The following TSNARE1 variants were observed in gnomAD, a reference collection of about 807,000 sequenced individuals.
TSNARE1 encodes t-SNARE domain-containing protein 1.
TSNARE1 carries 49 observed loss-of-function variants against 62.0 expected under a neutral mutation model. The observed-to-expected ratio is 0.79, with a 90% CI of 0.63 to 1.00. The LOEUF (loss-of-function observed/expected upper bound fraction) is 1.00, where lower values mean the gene tolerates loss of function less well. Among genes scored for constraint, TSNARE1 ranks in the 50% least tolerant of loss-of-function variants. The pLI is 0.00. For missense variants in TSNARE1, 755 were observed against 700.1 expected, an observed-to-expected ratio of 1.08 and a Z score of -0.88; for synonymous variants, 328 against 294.4, an observed-to-expected ratio of 1.11 and a Z score of -1.17.
At chr8:142,364,028 A>C (rs1835352214) in intron 1 of TSNARE1, among the ~76,000 whole-genome samples, 1 of 152,220 alleles carries the variant, frequency 6.6e-6, no homozygotes, top group South Asian at 2.1e-4. Context: ...CAATTTTTAA[A>C]AGGAGAAAAC....
At chr8:142,256,370 TCAC>T (rs1563782828) in intron 12 of TSNARE1, among the ~76,000 whole-genome samples, 18 of 522 alleles carry the variant, frequency 0.034, no homozygotes, top group South Asian at 0.062. Flanking sequence ...ACCACCATCA[TCAC>T]CACCATCATC....
At chr8:142,228,478 G>A (rs1816940928) in intron 13 of TSNARE1, among the ~76,000 whole-genome samples, 2 of 152,190 alleles carry the variant, frequency 1.3e-5, no homozygotes, top group African/African-American at 4.8e-5. Context: ...GCTTCCTGAT[G>A]AGCTCTCCTC....
intron 9 of TSNARE1, among the ~76,000 whole-genome samples, chr8:142,308,989 A>T (rs1443350350): frequency 6.6e-6 from 1 of 152,194 alleles, no homozygotes; most frequent in East Asian, 1.9e-4. Flanking sequence ...GTAATGTGGC[A>T]TGTTTTTTAA....
intron 7 of TSNARE1, among the ~76,000 whole-genome samples, chr8:142,316,276 C>A (rs570295456): frequency 2.0e-5 from 3 of 151,840 alleles, no homozygotes; most frequent in Middle Eastern, 3.4e-3. Flanking sequence ...CAGGCCAGGG[C>A]AGCACCTGGT....
At chr8:142,332,732 A>G (rs1269927315) in intron 4 of TSNARE1, among the ~76,000 whole-genome samples, 2 of 152,110 alleles carry the variant, frequency 1.3e-5, no homozygotes, top group Non-Finnish European at 1.5e-5. Context: ...CTCAGTCAGC[A>G]TCTTGGGCAT....
chr8:142,344,839 G>C (rs1833142578), intron 3 of TSNARE1, among the ~76,000 whole-genome samples: 1 of 152,234 alleles, frequency 6.6e-6, no homozygotes, highest in Non-Finnish European at 1.5e-5. Context: ...GGGCTGGGCT[G>C]CTCCCGGGAT....
intron 9 of TSNARE1, among the ~76,000 whole-genome samples, chr8:142,313,396 G>A (rs185796629): frequency 1.8e-4 from 26 of 143,720 alleles, no homozygotes; most frequent in African/African-American, 5.9e-4. Context: ...ATGTGTCTGC[G>A]TGTCTGTGTT....
At chr8:142,329,916 G>A (rs1830767692) in intron 6 of TSNARE1, among the ~76,000 whole-genome samples, 1 of 152,266 alleles carries the variant, frequency 6.6e-6, no homozygotes, top group Non-Finnish European at 1.5e-5. Flanking sequence ...GAGGCTGTGT[G>A]GCAGGCGCCT....
chr8:142,345,988 G>T (rs113876365), intron 2 of TSNARE1, 96 bp from the exon 3 acceptor site: 2 of 1,430,736 alleles, frequency 1.4e-6, no homozygotes, highest in Non-Finnish European at 9.5e-7. Context: ...CCCAGGACCC[G>T]AGATGCTCCA....
intron 4 of TSNARE1, among the ~76,000 whole-genome samples, chr8:142,333,178 G>A (rs1444331058): frequency 2.0e-5 from 3 of 152,200 alleles, no homozygotes; most frequent in Admixed American, 6.5e-5. Flanking sequence ...CTGTCACAAC[G>A]CCCAGGATGG....
intron 12 of TSNARE1, 78 bp from the exon 13 acceptor site, chr8:142,229,657 C>A: frequency 7.1e-7 from 1 of 1,405,178 alleles, no homozygotes; most frequent in South Asian, 1.2e-5. Flanking sequence ...CTTGTGCATA[C>A]TTTGGGCTGT....
At chr8:142,285,280 G>GTGGA (rs1292909420) in intron 10 of TSNARE1, among the ~76,000 whole-genome samples, 28 of 150,750 alleles carry the variant, frequency 1.9e-4, no homozygotes, top group Non-Finnish European at 3.0e-5. Flanking sequence ...GGATGGGTAG[G>GTGGA]TGGATGGATG....
chr8:142,289,445 T>C (rs7818332), intron 10 of TSNARE1, among the ~76,000 whole-genome samples: 36,807 of 152,044 alleles, frequency 0.24, 5,081 homozygotes, highest in African/African-American at 0.37. Flanking sequence ...GGCCCCACTA[T>C]CCCTCCTGGC....
intron 11 of TSNARE1, among the ~76,000 whole-genome samples, chr8:142,281,214 C>T (rs1371362378): frequency 7.1e-6 from 1 of 141,088 alleles, no homozygotes; most frequent in Non-Finnish European, 1.5e-5. Flanking sequence ...AGCGCTTTAA[C>T]CAAAGGCCCG....
chr8:142,350,672 G>A (rs143166732), intron 2 of TSNARE1, among the ~76,000 whole-genome samples: 2 of 152,310 alleles, frequency 1.3e-5, no homozygotes, highest in East Asian at 3.9e-4. Context: ...CTGTCATTAT[G>A]CACAAACACC....
chr8:142,215,580 G>A, intron 13 of TSNARE1, among the ~76,000 whole-genome samples: 1 of 152,094 alleles, frequency 6.6e-6, no homozygotes, highest in South Asian at 2.1e-4. Flanking sequence ...CCTCGAACCT[G>A]AGAACCCCCA....
chr8:142,349,083 C>T (rs1313410151), intron 2 of TSNARE1, among the ~76,000 whole-genome samples: 1 of 152,194 alleles, frequency 6.6e-6, no homozygotes, highest in African/African-American at 2.4e-5. Flanking sequence ...CTGAGGGGAG[C>T]AAAGGAGGCA....
intron 12 of TSNARE1, chr8:142,273,149 G>A (rs1586932094): frequency 1.0e-6 from 1 of 985,416 alleles, no homozygotes; most frequent in Non-Finnish European, 1.2e-6. Context: ...CATGGCACAG[G>A]TGGCTGGCCC....
At chr8:142,242,486 A>G (rs7822799) in intron 12 of TSNARE1, among the ~76,000 whole-genome samples, 83,663 of 152,140 alleles carry the variant, frequency 0.55, 24,500 homozygotes, top group African/African-American at 0.75. Flanking sequence ...TGACCTGCAG[A>G]ATGGGAGGAA....
Sources: gnomAD v4.1 joint callset for allele counts (sites outside exome capture counted in the v4.1 genomes callset) on GRCh38, gnomAD v4.1.1 for gene constraint, MANE v1.5 for transcripts, NCBI Gene and HGNC (gene_info 2026-07-23, HGNC 2026-07-21) for gene names.